Variants in ZW10 observed in about 807,000 individuals in gnomAD.
ZW10 encodes centromere/kinetochore protein zw10 homolog.
In ZW10, 53 loss-of-function variants were observed where a neutral mutation model predicts 87.8. The ratio of observed to expected loss-of-function variants is 0.60; its 90% CI spans 0.48 to 0.76. The LOEUF (loss-of-function observed/expected upper bound fraction) is 0.76, where lower values mean the gene tolerates loss of function less well. Among genes scored for constraint, ZW10 ranks in the 30% least tolerant of loss-of-function variants. The pLI is 0.00. For synonymous variants in ZW10, 312 were observed against 329.2 expected (o/e 0.95, Z 0.57); for missense variants, 837 against 923.0 (o/e 0.91, Z 1.21).
chr11:113,759,088 G>T (rs1953830479), intron 5 of ZW10, among the ~76,000 whole-genome samples: 1 of 152,122 alleles, frequency 6.6e-6, no homozygotes, highest in Non-Finnish European at 1.5e-5. Flanking sequence ...GGGAGAAGTA[G>T]TTGGGGCTGA....
Position 113,743,692 on chromosome 11 carries a change from T to C in ZW10, c.1511+110A>G, listed in dbSNP as rs1953648586. ...TTTTGTTTCCAGAAAAAGCATTAACTTCTAGGATATGAAAACCCAAAGAAT... is the reference window on the plus strand; with the variant it reads ...TTTTGTTTCCAGAAAAAGCATTAACCTCTAGGATATGAAAACCCAAAGAAT... On this transcript the variant is annotated intron_variant, in intron 10 of 15. Transcript: ENST00000200135. The C allele has an allele frequency of 2.3e-5, 20 of 870,424 alleles. No individual in the cohort carries two copies. In the South Asian group the frequency reaches 3.1e-4, roughly 13 times the overall value. 53.9% of individuals were successfully genotyped at this position (870,424 alleles called of 1,614,324 possible).
At chr11:113,761,340 C>T (rs1191906176) in intron 2 of ZW10, among the ~76,000 whole-genome samples, 1 of 152,132 alleles carries the variant, frequency 6.6e-6, no homozygotes, top group Non-Finnish European at 1.5e-5. Flanking sequence ...CGCAGTGGTG[C>T]AATCTCAGCT....
Position 113,734,933 on chromosome 11 carries a change from T to C in ZW10, c.2220-1119A>G, listed in dbSNP as rs533120688. Among the ~76,000 whole-genome samples the C allele has an allele frequency of 2.0e-5, 3 of 152,236 alleles. No individual in the cohort carries two copies. In the South Asian group the frequency reaches 6.2e-4, roughly 32 times the overall value. On this transcript the variant is annotated intron_variant, in intron 15 of 15. Coordinates refer to ENST00000200135, the MANE Select transcript of ZW10 (RefSeq NM_004724.4). ...TAAACTTTATGTTATTTAGGATACA[T>C]GTAAATGGGGTAGAACTATAAAGAA... is the stretch of plus-strand genomic sequence containing the variant.
chr11:113,761,280 T>C lies in ZW10; in HGVS notation c.241-362A>G, dbSNP rs61905743. On this transcript the variant is annotated intron_variant, in intron 2 of 15. Coordinates refer to ENST00000200135, the MANE Select transcript of ZW10 (RefSeq NM_004724.4). ...TAGAGTCAGACACCTCTATTAGGAATTTCTTTTTTTTAATTGAAACAGGGT... is the reference window on the plus strand; with the variant it reads ...TAGAGTCAGACACCTCTATTAGGAACTTCTTTTTTTTAATTGAAACAGGGT... 2.6e-5 allele frequency among the ~76,000 whole-genome samples: 4 copies of C among 152,234 alleles called. No individual in the cohort carries two copies. The East Asian group carries it at 5.8e-4, about 22-fold the overall frequency.
chr11:113,760,521 G>C lies in ZW10; in HGVS notation c.412C>G (p.Leu138Val). The change falls in exon 4 of 16, where the codon CTG becomes GTG. Residue 138 changes from leucine (L) to valine (V), a missense_variant. By Grantham distance (32) the Leu-to-Val change is conservative (BLOSUM62 1). Coordinates refer to ENST00000200135, the MANE Select transcript of ZW10 (RefSeq NM_004724.4). ...EKKYVTGAQR[L>V]EEAQKCLKLL... ...GGGAGAGCATTTAGTACCTCTTCCA[G>C]ACGCTGAGCACCAGTGACATACTTC... 6.2e-7 allele frequency: 1 copy of C among 1,613,644 alleles called. No homozygotes were observed. The highest frequency in any genetic ancestry group is 8.5e-7 in the Non-Finnish European group (1 of 1,179,812).
intron 7 of ZW10, among the ~76,000 whole-genome samples, chr11:113,755,322 T>G (rs1358251801): frequency 1.3e-5 from 2 of 152,176 alleles, no homozygotes; most frequent in African/African-American, 2.4e-5. Flanking sequence ...TGGAAGAAGT[T>G]GATTCCAACC....
At chr11:113,753,362 T>A (rs1401367788) in intron 7 of ZW10, among the ~76,000 whole-genome samples, 1 of 152,224 alleles carries the variant, frequency 6.6e-6, no homozygotes, top group Non-Finnish European at 1.5e-5. Context: ...ACACATGGAT[T>A]ATAAAGTAAA....
chr11:113,743,070 T>C (rs1284755685), intron 10 of ZW10, among the ~76,000 whole-genome samples: 1 of 152,224 alleles, frequency 6.6e-6, no homozygotes, highest in African/African-American at 2.4e-5. Context: ...CTTCTCAATT[T>C]AGTCTAGGAG....
intron 3 of ZW10, 48 bp from the exon 4 acceptor site, chr11:113,760,638 G>A (rs777140693): frequency 3.4e-6 from 5 of 1,475,876 alleles, no homozygotes; most frequent in East Asian, 2.3e-5. Flanking sequence ...TTTCAAGTCT[G>A]TTTGCTTTTA....
At chr11:113,740,567 G>C (rs1953604348) in intron 11 of ZW10, among the ~76,000 whole-genome samples, 1 of 152,158 alleles carries the variant, frequency 6.6e-6, no homozygotes, top group Non-Finnish European at 1.5e-5. Context: ...CTAGGCAACA[G>C]AGTTAGACTC....
chr11:113,773,677 G>C lies in ZW10; in HGVS notation c.-11C>G, dbSNP rs777438776. The stretch of plus-strand genomic sequence containing the variant: ...CACGAACGAGGCCATGGCCAAGACG[G>C]GAACCAACGCTGACTGGGTCACTCT... On this transcript the variant is annotated 5_prime_UTR_variant, in exon 1 of 16. Transcript: ENST00000200135. 1 of 1,612,256 alleles carries C rather than the reference G, an allele frequency of 6.2e-7. No homozygotes were observed. Among genetic ancestry groups the C allele is most frequent in the Middle Eastern group, 1.7e-4 (1 of 6,058 alleles).
intron 9 of ZW10, among the ~76,000 whole-genome samples, chr11:113,744,679 C>A (rs1591412281): frequency 6.6e-6 from 1 of 152,190 alleles, no homozygotes; most frequent in Middle Eastern, 3.4e-3. Context: ...GCCTCAACCT[C>A]CCATGTAGCT....
chr11:113,759,412 T>C (rs1182458666), intron 5 of ZW10, among the ~76,000 whole-genome samples: 1 of 152,208 alleles, frequency 6.6e-6, no homozygotes, highest in African/African-American at 2.4e-5. Context: ...TATGTGTCTA[T>C]GTACACACAT....
At chr11:113,761,008 C>T in intron 2 of ZW10, 90 bp from the exon 3 acceptor site, 1 of 927,790 alleles carries the variant, frequency 1.1e-6, no homozygotes, top group East Asian at 2.6e-5. Context: ...TTTACTAGGT[C>T]AACATAATTT....
chr11:113,749,059 A>T (rs1246350828), intron 7 of ZW10, among the ~76,000 whole-genome samples: 1 of 152,128 alleles, frequency 6.6e-6, no homozygotes. Context: ...TTAGGGGATT[A>T]AGAGCCTTAG....
chr11:113,752,731 C>T (rs936707592), intron 7 of ZW10, among the ~76,000 whole-genome samples: 1 of 152,222 alleles, frequency 6.6e-6, no homozygotes, highest in African/African-American at 2.4e-5. Flanking sequence ...ACCCTTTCCA[C>T]TCATGTCTCT....
chr11:113,763,437 AC>A (rs1248893192), intron 2 of ZW10, among the ~76,000 whole-genome samples: 1 of 152,208 alleles, frequency 6.6e-6, no homozygotes, highest in Non-Finnish European at 1.5e-5. Flanking sequence ...TTGAGGAATC[AC>A]CATACTGTCT....
At chr11:113,769,278 A>G (rs1180086254) in intron 1 of ZW10, among the ~76,000 whole-genome samples, 2 of 152,148 alleles carry the variant, frequency 1.3e-5, no homozygotes, top group African/African-American at 4.8e-5. Context: ...AATGATCACC[A>G]AACCCCAACG....
intron 9 of ZW10, 60 bp downstream of exon 9, chr11:113,747,471 C>G: frequency 1.4e-6 from 2 of 1,463,164 alleles, no homozygotes; most frequent in South Asian, 2.6e-5. Flanking sequence ...ATATGCATCT[C>G]AAAATGAGTT....
Sources: allele counts gnomAD v4.1 joint callset (sites outside exome capture counted in the v4.1 genomes callset), GRCh38; gene constraint gnomAD v4.1.1; transcripts MANE v1.5; gene names NCBI Gene and HGNC (gene_info 2026-07-23, HGNC 2026-07-21).